The following TTLL11 variants were observed in gnomAD, a reference collection of about 807,000 sequenced individuals.
TTLL11 encodes the protein tubulin tyrosine ligase like 11.
TTLL11 carries 42 observed loss-of-function variants against 51.7 expected under a neutral mutation model. That is an observed-to-expected ratio of 0.81 (90% CI 0.64 to 1.05). The LOEUF (loss-of-function observed/expected upper bound fraction) is 1.05, where lower values mean the gene tolerates loss of function less well. Among genes scored for constraint, TTLL11 ranks in the 50% least tolerant of loss-of-function variants. The pLI is 0.00. For missense variants in TTLL11, 799 were observed against 940.4 expected, an observed-to-expected ratio of 0.85 and a Z score of 1.97; for synonymous variants, 381 against 383.5, an observed-to-expected ratio of 0.99 and a Z score of 0.08.
At chr9:121,963,283 G>GA (rs1330414517) in intron 6 of TTLL11, among the ~76,000 whole-genome samples, 2 of 152,116 alleles carry the variant, frequency 1.3e-5, no homozygotes, top group East Asian at 3.9e-4. Flanking sequence ...TTCTAATGAA[G>GA]AAACTGAACT....
At chr9:121,961,739 G>A (rs1380697339) in intron 6 of TTLL11, among the ~76,000 whole-genome samples, 1 of 152,184 alleles carries the variant, frequency 6.6e-6, no homozygotes, top group African/African-American at 2.4e-5. Context: ...AAATGAGAAA[G>A]GGGCAATAAC....
chr9:121,834,554 C>G (rs866381169), intron 8 of TTLL11, among the ~76,000 whole-genome samples: 1 of 151,198 alleles, frequency 6.6e-6, no homozygotes, highest in African/African-American at 2.4e-5. Context: ...ACAGGCCAGG[C>G]GCGGTGGCTC....
chr9:121,851,893 G>A (rs1438152696), intron 8 of TTLL11, among the ~76,000 whole-genome samples: 3 of 152,150 alleles, frequency 2.0e-5, no homozygotes, highest in South Asian at 2.1e-4. Context: ...TGTTGTTAAC[G>A]CCAGGCTTAG....
intron 1 of TTLL11, among the ~76,000 whole-genome samples, chr9:122,090,695 C>A (rs761586983): frequency 6.6e-6 from 1 of 152,080 alleles, no homozygotes; most frequent in African/African-American, 2.4e-5. Flanking sequence ...CAAGTACCTG[C>A]GGGTACAGCA....
intron 1 of TTLL11, among the ~76,000 whole-genome samples, chr9:122,049,026 C>T (rs1294071449): frequency 2.7e-5 from 4 of 150,494 alleles, no homozygotes; most frequent in South Asian, 2.1e-4. Flanking sequence ...AAAAAAAGCA[C>T]GCACATGCAC....
At chr9:122,069,915 C>G (rs976606430) in intron 1 of TTLL11, among the ~76,000 whole-genome samples, 2 of 151,374 alleles carry the variant, frequency 1.3e-5, no homozygotes, top group African/African-American at 4.8e-5. Context: ...CCGCTGGCCC[C>G]ACCTTATACA....
chr9:121,912,078 AATTGGACAC>A, intron 6 of TTLL11, among the ~76,000 whole-genome samples: 1 of 152,344 alleles, frequency 6.6e-6, no homozygotes, highest in East Asian at 1.9e-4. Flanking sequence ...TTCCAAGCTG[AATTGGACAC>A]AGTGCTCCTG....
At chr9:121,918,784 A>G (rs763839725) in intron 6 of TTLL11, among the ~76,000 whole-genome samples, 2 of 152,264 alleles carry the variant, frequency 1.3e-5, no homozygotes, top group Admixed American at 1.3e-4. Context: ...CCACACAACA[A>G]TGAAAATGAA....
intron 6 of TTLL11, among the ~76,000 whole-genome samples, chr9:121,889,964 T>A (rs1839163216): frequency 6.6e-6 from 1 of 152,218 alleles, no homozygotes; most frequent in Non-Finnish European, 1.5e-5. Flanking sequence ...TTGTCCTGTG[T>A]ATCTGGCTTA....
intron 6 of TTLL11, among the ~76,000 whole-genome samples, chr9:121,901,273 C>T (rs910016257): frequency 6.6e-5 from 10 of 152,176 alleles, no homozygotes; most frequent in African/African-American, 2.4e-4. Context: ...TATAGAATCA[C>T]ATCATCGGTG....
At chr9:122,040,036 C>CT (rs1209542396) in intron 1 of TTLL11, among the ~76,000 whole-genome samples, 2 of 152,098 alleles carry the variant, frequency 1.3e-5, no homozygotes, top group African/African-American at 4.8e-5. Flanking sequence ...GATGAGATAA[C>CT]CAGATTCTCT....
rs71370697 is a variant in TTLL11, at chr9:121,873,382, C to CTT, written c.1482-2636_1482-2635dup. Among the ~76,000 whole-genome samples the CTT allele has an allele frequency of 3.6e-3, 403 of 110,514 alleles. 4 individuals carry two copies. Among genetic ancestry groups the CTT allele is most frequent in the African/African-American group, 0.012 (347 of 28,736 alleles). The allele number at this position is 110,514 out of a possible 152,430, so 72.5% of individuals were successfully genotyped here. A position where few individuals can be genotyped will look rare whatever the true frequency, so the allele number is the denominator to read the frequency against. ...TTTTACTACTGTAATTCTTCTTCTC[C>CTT]TTTTTTTTTTTTTTTTTTTGGCTTC... On this transcript the variant is annotated intron_variant, in intron 6 of 8. Transcript: ENST00000321582.
chr9:121,928,971 G>A (rs1588132281), intron 6 of TTLL11, among the ~76,000 whole-genome samples: 1 of 152,112 alleles, frequency 6.6e-6, no homozygotes, highest in African/African-American at 2.4e-5. Flanking sequence ...TGCCACACTA[G>A]TATAAAATGA....
chr9:121,836,475 T>C lies in TTLL11; in HGVS notation c.1841-13596A>G, dbSNP rs112176771. On this transcript the variant is annotated intron_variant, in intron 8 of 8. Coordinates refer to ENST00000321582, the MANE Select transcript of TTLL11 (RefSeq NM_001139442.2). ...CCCAGGAGGTCCCTTCTCACTGCCA[T>C]GTGCTCTCTGCTCTCTGCCTGGGAG... 4.4e-3 allele frequency among the ~76,000 whole-genome samples: 670 copies of C among 152,270 alleles called. 3 individuals carry two copies. The highest frequency in any genetic ancestry group is 0.015 in the African/African-American group (612 of 41,554).
intron 2 of TTLL11, among the ~76,000 whole-genome samples, chr9:122,038,865 A>G (rs1348677233): frequency 6.6e-6 from 1 of 152,176 alleles, no homozygotes; most frequent in Non-Finnish European, 1.5e-5. Flanking sequence ...TTTGGTTTTA[A>G]AAATGGTACC....
intron 3 of TTLL11, among the ~76,000 whole-genome samples, chr9:121,993,432 C>T (rs1260060135): frequency 2.0e-5 from 3 of 152,144 alleles, no homozygotes; most frequent in East Asian, 3.8e-4. Flanking sequence ...GACTGTGTGA[C>T]CTCGAGAAAG....
At chr9:121,871,297 G>C (rs967005374) in intron 6 of TTLL11, among the ~76,000 whole-genome samples, 16 of 151,886 alleles carry the variant, frequency 1.1e-4, no homozygotes, top group African/African-American at 3.4e-4. Context: ...TGGATATTCA[G>C]AAATTATTTT....
At chr9:121,873,657 TTC>T (rs1564282943) in intron 6 of TTLL11, among the ~76,000 whole-genome samples, 1 of 150,984 alleles carries the variant, frequency 6.6e-6, no homozygotes. Flanking sequence ...CTTCTTCTTC[TTC>T]TTCTTCTTCT....
intron 5 of TTLL11, among the ~76,000 whole-genome samples, chr9:121,974,676 AGCAT>A (rs1193204149): frequency 1.8e-4 from 28 of 152,254 alleles, no homozygotes; most frequent in Admixed American, 6.5e-5. Flanking sequence ...CTGGAAAAAC[AGCAT>A]GCTGGGAAGT....
Sources: allele counts gnomAD v4.1 joint callset (sites outside exome capture counted in the v4.1 genomes callset), GRCh38; gene constraint gnomAD v4.1.1; transcripts MANE v1.5; gene names NCBI Gene and HGNC (gene_info 2026-07-23, HGNC 2026-07-21).